SLC25A21: variants seen among roughly 807,000 people sequenced by gnomAD.
SLC25A21 encodes mitochondrial 2-oxodicarboxylate carrier.
A neutral mutation model predicts 43.8 loss-of-function variants in SLC25A21; 47 were observed. The observed-to-expected ratio is 1.07, with a 90% CI of 0.85 to 1.37. The LOEUF (loss-of-function observed/expected upper bound fraction) is 1.37, where lower values mean the gene tolerates loss of function less well. Ranked by LOEUF, SLC25A21 falls within the 40% of genes most tolerant of loss-of-function variation. SLC25A21 has a pLI of 0.00. For missense variants in SLC25A21, 352 were observed against 350.2 expected (o/e 1.00, Z -0.04); for synonymous variants, 131 against 121.3 (o/e 1.08, Z -0.52).
intron 2 of SLC25A21, among the ~76,000 whole-genome samples, chr14:36,866,526 C>T (rs1357161201): frequency 2.0e-5 from 3 of 152,154 alleles, no homozygotes; most frequent in Non-Finnish European, 4.4e-5. Flanking sequence ...TTTTCGAATG[C>T]CACTTTCTCC....
At chr14:36,923,683 C>G (rs1006008767) in intron 1 of SLC25A21, among the ~76,000 whole-genome samples, 5 of 152,116 alleles carry the variant, frequency 3.3e-5, no homozygotes, top group Non-Finnish European at 7.3e-5. Flanking sequence ...GAAATACAGT[C>G]AGCCTTCCAT....
At chr14:37,084,662 C>T (rs1013308165) in intron 1 of SLC25A21, among the ~76,000 whole-genome samples, 2 of 152,182 alleles carry the variant, frequency 1.3e-5, no homozygotes, top group Non-Finnish European at 2.9e-5. Flanking sequence ...CAGACACAGT[C>T]ATAAATACTT....
intron 1 of SLC25A21, among the ~76,000 whole-genome samples, chr14:37,143,433 C>T (rs966526767): frequency 2.6e-5 from 4 of 152,036 alleles, no homozygotes; most frequent in Non-Finnish European, 5.9e-5. Flanking sequence ...AAATGTTTTC[C>T]GAAGGAATTC....
chr14:37,011,947 C>T (rs1192260449), intron 1 of SLC25A21, among the ~76,000 whole-genome samples: 1 of 152,114 alleles, frequency 6.6e-6, no homozygotes. Flanking sequence ...GCTTTCTTTT[C>T]TGCTCTACTT....
intron 7 of SLC25A21, among the ~76,000 whole-genome samples, chr14:36,696,418 CT>C (rs1305468356): frequency 2.0e-5 from 3 of 152,134 alleles, no homozygotes; most frequent in Non-Finnish European, 4.4e-5. Flanking sequence ...TGATGCTGGC[CT>C]CATAAAATGC....
intron 1 of SLC25A21, among the ~76,000 whole-genome samples, chr14:37,170,453 T>C (rs565537816): frequency 3.9e-5 from 6 of 152,294 alleles, no homozygotes; most frequent in Non-Finnish European, 8.8e-5. Flanking sequence ...GTTAATCAAT[T>C]GGCCTCACTT....
At chr14:36,783,214 G>C (rs1887134412) in intron 3 of SLC25A21, among the ~76,000 whole-genome samples, 1 of 148,162 alleles carries the variant, frequency 6.7e-6, no homozygotes. Flanking sequence ...GGTGGGGGTG[G>C]TGGGGGGGCG....
At chr14:36,851,722 TG>T (rs1190193104) in intron 2 of SLC25A21, among the ~76,000 whole-genome samples, 1 of 152,202 alleles carries the variant, frequency 6.6e-6, no homozygotes, top group East Asian at 1.9e-4. Context: ...CCTGTTTTTT[TG>T]TTTGTCTGTT....
At chr14:36,819,832 T>C (rs1224634864) in intron 2 of SLC25A21, among the ~76,000 whole-genome samples, 2 of 152,138 alleles carry the variant, frequency 1.3e-5, no homozygotes, top group Non-Finnish European at 2.9e-5. Context: ...GGCCATTACT[T>C]TTAATGGTGC....
At chr14:36,760,577 A>G (rs1448819572) in intron 3 of SLC25A21, among the ~76,000 whole-genome samples, 1 of 152,222 alleles carries the variant, frequency 6.6e-6, no homozygotes, top group African/African-American at 2.4e-5. Context: ...TGCCAGCTCC[A>G]TACTGGCACT....
intron 2 of SLC25A21, among the ~76,000 whole-genome samples, chr14:36,874,015 ACTC>A (rs936195732): frequency 6.6e-6 from 1 of 152,032 alleles, no homozygotes; most frequent in Non-Finnish European, 1.5e-5. Flanking sequence ...CAGAGGCCAA[ACTC>A]CCATCTTCCC....
At chr14:37,043,477 T>C (rs895989250) in intron 1 of SLC25A21, among the ~76,000 whole-genome samples, 17 of 152,308 alleles carry the variant, frequency 1.1e-4, no homozygotes, top group African/African-American at 3.4e-4. Context: ...TACTATCACC[T>C]CTGGGTTTTG....
At chr14:37,029,079 G>A (rs118099332) in intron 1 of SLC25A21, among the ~76,000 whole-genome samples, 1,688 of 152,166 alleles carry the variant, frequency 0.011, 19 homozygotes, top group Middle Eastern at 0.058. Context: ...TCTTTCTTTG[G>A]GGTCAATGTT....
intron 1 of SLC25A21, among the ~76,000 whole-genome samples, chr14:36,955,352 T>C (rs1959308083): frequency 6.6e-6 from 1 of 152,208 alleles, no homozygotes; most frequent in African/African-American, 2.4e-5. Context: ...GGATTACTTT[T>C]GTACTGTGAT....
intron 1 of SLC25A21, among the ~76,000 whole-genome samples, chr14:36,961,795 C>T (rs1959499328): frequency 6.6e-6 from 1 of 152,154 alleles, no homozygotes; most frequent in Non-Finnish European, 1.5e-5. Context: ...GAGGCATACC[C>T]CTCCCTAATC....
At chr14:36,793,580 A>C (rs527355549) in intron 3 of SLC25A21, among the ~76,000 whole-genome samples, 1 of 151,666 alleles carries the variant, frequency 6.6e-6, no homozygotes, top group East Asian at 1.9e-4. Context: ...GGTCTCATAC[A>C]TGTCATGTTA....
chr14:37,163,205 T>C (rs946671172), intron 1 of SLC25A21, among the ~76,000 whole-genome samples: 1 of 151,910 alleles, frequency 6.6e-6, no homozygotes, highest in African/African-American at 2.4e-5. Context: ...GACGAGTTAG[T>C]GGGTGCAGCG....
At chr14:36,781,264 T>C (rs528055792) in intron 3 of SLC25A21, among the ~76,000 whole-genome samples, 2 of 152,288 alleles carry the variant, frequency 1.3e-5, no homozygotes, top group East Asian at 1.9e-4. Context: ...TCTTATTTTA[T>C]AGTTTTTTTA....
At chr14:36,863,673 T>G (rs1890134653) in intron 2 of SLC25A21, among the ~76,000 whole-genome samples, 1 of 152,160 alleles carries the variant, frequency 6.6e-6, no homozygotes, top group African/African-American at 2.4e-5. Flanking sequence ...AAAAAATAAT[T>G]TTAGTCTATG....
Sources: gnomAD v4.1 joint callset for allele counts (sites outside exome capture counted in the v4.1 genomes callset) on GRCh38, gnomAD v4.1.1 for gene constraint, MANE v1.5 for transcripts, NCBI Gene and HGNC (gene_info 2026-07-23, HGNC 2026-07-21) for gene names.